The following ZFP64 variants were observed in gnomAD, a reference collection of about 807,000 sequenced individuals.
The protein encoded by ZFP64 is zinc finger protein 64.
Under a neutral mutation model 51.6 loss-of-function variants are expected in ZFP64, and 14 were observed. The ratio of observed to expected loss-of-function variants is 0.27; its 90% confidence interval spans 0.18 to 0.42. ZFP64 has a LOEUF of 0.42. Ranked by LOEUF, ZFP64 falls within the 10% of genes least tolerant of loss-of-function variation. The pLI is 1.00. For missense variants in ZFP64, 754 were observed against 906.8 expected, an observed-to-expected ratio of 0.83 and a Z score of 2.16; for synonymous variants, 375 against 361.4, an observed-to-expected ratio of 1.04 and a Z score of -0.43.
chr20:52,104,932 A>AT (rs749075419), intron 5 of ZFP64: 12 of 679,986 alleles, frequency 1.8e-5, no homozygotes, highest in South Asian at 5.3e-5. Context: ...CCAGGCGGGG[A>AT]AGGGGACGGT....
intron 5 of ZFP64, among the ~76,000 whole-genome samples, chr20:52,118,605 C>T (rs1227992831): frequency 6.6e-6 from 1 of 152,218 alleles, no homozygotes; most frequent in Non-Finnish European, 1.5e-5. Context: ...TGTCCTGAAG[C>T]TATTCATTTG....
intron 5 of ZFP64, among the ~76,000 whole-genome samples, chr20:52,129,967 T>A (rs1457442301): frequency 6.6e-6 from 1 of 151,056 alleles, no homozygotes; most frequent in Non-Finnish European, 1.5e-5. Flanking sequence ...CCTCTTTCCC[T>A]TGCTCACTCT....
At position 52,161,450 on chromosome 20, in the gene ZFP64, C is replaced by CTTTTTTTT. The variant is rs11469696; in HGVS notation, c.512-1084_512-1077dup. Among the ~76,000 whole-genome samples, 323 of 115,112 alleles carry CTTTTTTTT rather than the reference C, an allele frequency of 2.8e-3. 9 individuals carry two copies. Among genetic ancestry groups the CTTTTTTTT allele is most frequent in the African/African-American group, 0.01 (307 of 30,032 alleles). 75.5% of individuals were successfully genotyped at this position (115,112 alleles called of 152,430 possible). A position where few individuals can be genotyped will look rare whatever the true frequency, so the allele number is the denominator to read the frequency against. ...CCCAGGACCGTCTTGTGATTGCTTT[C>CTTTTTTTT]TTTTTTTTTTTTTTTTTTTTTGCCA... is the stretch of plus-strand genomic sequence containing the variant. On this transcript the variant is annotated intron_variant, in intron 4 of 5. Coordinates refer to ENST00000216923, the MANE Select transcript of ZFP64 (RefSeq NM_018197.3).
chr20:52,188,528 T>G (rs946178969), intron 1 of ZFP64, among the ~76,000 whole-genome samples: 2 of 150,788 alleles, frequency 1.3e-5, no homozygotes, highest in Non-Finnish European at 3.0e-5. Flanking sequence ...TTAGCCAGGA[T>G]GGTCTCGATC....
At position 52,088,849 on chromosome 20, in the gene ZFP64, T is replaced by C. The variant is rs147019447; in HGVS notation, c.977-206A>G. ...TAGTTCAGAAATCCTAAGGGAAAGA[T>C]GACATAAAAATCTGATTGATGGAGA... On this transcript the variant is annotated intron_variant, in intron 7 of 8. Coordinates refer to the ZFP64 transcript ENST00000361387. The C allele has an allele frequency of 1.4e-3, 1,057 of 741,938 alleles. 10 individuals are homozygous for C. In the African/African-American group the frequency reaches 0.017, roughly 12 times the overall value. The allele number at this position is 741,938 out of a possible 1,614,324, so 46.0% of individuals were successfully genotyped here. A position where few individuals can be genotyped will look rare whatever the true frequency, so the allele number is the denominator to read the frequency against.
intron 5 of ZFP64, chr20:52,104,511 G>A (rs771743776): frequency 2.5e-5 from 9 of 359,770 alleles, no homozygotes; most frequent in Admixed American, 1.1e-4. Context: ...CTCTTACCAA[G>A]GCTCACGGCC....
At chr20:52,183,527 C>T (rs1233877476) in intron 2 of ZFP64, among the ~76,000 whole-genome samples, 2 of 152,270 alleles carry the variant, frequency 1.3e-5, no homozygotes, top group South Asian at 2.1e-4. Flanking sequence ...ATGTCCCTTC[C>T]CCAAAGGCAA....
At chr20:52,118,868 T>G (rs1257775533) in intron 5 of ZFP64, among the ~76,000 whole-genome samples, 1 of 152,144 alleles carries the variant, frequency 6.6e-6, no homozygotes, top group African/African-American at 2.4e-5. Flanking sequence ...GTAGGTTGGG[T>G]GCAGTGGCTC....
At position 52,152,589 on chromosome 20, in the gene ZFP64, G is replaced by A. The variant is rs1234562686; in HGVS notation, c.1603C>T (p.Pro535Ser). 4 of 1,551,550 alleles carry A rather than the reference G, an allele frequency of 2.6e-6. No homozygotes were observed. Among genetic ancestry groups the A allele is most frequent in the Admixed American group, 1.8e-5 (1 of 54,232 alleles). Residue 535 changes from proline (P) to serine (S), a missense_variant, in exon 6 of 6, where the codon CCA becomes TCA. Pro to Ser is a moderately conservative substitution (Grantham distance 74, BLOSUM62 -1). Coordinates refer to ENST00000216923, the MANE Select transcript of ZFP64 (RefSeq NM_018197.3). ...AGGATCTGCAGCCGGCTGTTCCCTGGGAGTTCCTCTGGGTTCTGGGCCACC... is the reference window on the plus strand; with the variant it reads ...AGGATCTGCAGCCGGCTGTTCCCTGAGAGTTCCTCTGGGTTCTGGGCCACC... Reference protein sequence around the residue: ...ALVAQNPEELPGNSRLQILRQ... With the variant: ...ALVAQNPEELSGNSRLQILRQ...
intron 5 of ZFP64, among the ~76,000 whole-genome samples, chr20:52,112,096 A>AC (rs1395696758): frequency 3.8e-5 from 5 of 132,604 alleles, no homozygotes; most frequent in East Asian, 2.0e-4. Flanking sequence ...AAAAAAAAAA[A>AC]AAAACAAAAA....
rs1476535885 is a variant in ZFP64, at chr20:52,151,596, T to A, written c.*550A>T. 1 of 986,280 alleles carries A rather than the reference T, an allele frequency of 1.0e-6. No individual in the cohort carries two copies. Among genetic ancestry groups the A allele is most frequent in the African/African-American group, 1.7e-5 (1 of 57,228 alleles). The allele number at this position is 986,280 out of a possible 1,614,324, so 61.1% of individuals were successfully genotyped here. ...AATGCATTTAATTCCAACCCCTCAT[T>A]GGAATCATCTTGGTAACATTTAAGA... is the stretch of plus-strand genomic sequence containing the variant. On this transcript the variant is annotated 3_prime_UTR_variant, in exon 6 of 6. Coordinates refer to ENST00000216923, the MANE Select transcript of ZFP64 (RefSeq NM_018197.3).
chr20:52,129,584 G>A lies in ZFP64; in HGVS notation c.763+30539C>T, dbSNP rs996919886. Reference sequence around the variant, plus strand: ...GAATGCTCATTTCCCTCACTCCTCCGTTCTTTGTCTTCAATTGTGTAACTC... The same window carrying A: ...GAATGCTCATTTCCCTCACTCCTCCATTCTTTGTCTTCAATTGTGTAACTC... On this transcript the variant is annotated intron_variant, in intron 5 of 8. Coordinates refer to the ZFP64 transcript ENST00000361387. Among the ~76,000 whole-genome samples, 8 of 151,944 alleles carry A rather than the reference G, an allele frequency of 5.3e-5. No homozygotes were observed. The South Asian group carries it at 6.2e-4, about 12-fold the overall frequency.
chr20:52,124,415 T>C (rs1321644154), intron 5 of ZFP64, among the ~76,000 whole-genome samples: 1 of 152,138 alleles, frequency 6.6e-6, no homozygotes, highest in African/African-American at 2.4e-5. Flanking sequence ...TTGAAATCTT[T>C]GAATTTTTTT....
At chr20:52,124,568 A>G (rs1029364610) in intron 5 of ZFP64, among the ~76,000 whole-genome samples, 1 of 151,954 alleles carries the variant, frequency 6.6e-6, no homozygotes, top group African/African-American at 2.4e-5. Flanking sequence ...TATGTTTGAC[A>G]CTTTTTACAA....
intron 2 of ZFP64, among the ~76,000 whole-genome samples, chr20:52,173,959 T>C (rs989216668): frequency 6.6e-6 from 1 of 152,158 alleles, no homozygotes; most frequent in African/African-American, 2.4e-5. Context: ...CCTACATCCT[T>C]ACTTTTTATA....
At chr20:52,111,107 C>T (rs918338789) in intron 5 of ZFP64, 13 of 875,554 alleles carry the variant, frequency 1.5e-5, no homozygotes, top group Non-Finnish European at 2.3e-5. Flanking sequence ...GAGAGAGACG[C>T]GGAGCGGGGC....
At chr20:52,157,351 T>A (rs1269314113) in intron 5 of ZFP64, among the ~76,000 whole-genome samples, 1 of 152,090 alleles carries the variant, frequency 6.6e-6, no homozygotes, top group Non-Finnish European at 1.5e-5. Flanking sequence ...ACTCACACAG[T>A]TTTTAAAGAC....
At chr20:52,084,434 A>C in exon 9 of ZFP64, 1 of 952,542 alleles carries the variant, frequency 1.0e-6, no homozygotes. Context: ...AAGGCCTGTG[A>C]AGTTGGAGCG....
intron 2 of ZFP64, among the ~76,000 whole-genome samples, chr20:52,182,965 G>A (rs1983715171): frequency 6.6e-6 from 1 of 152,144 alleles, no homozygotes; most frequent in Admixed American, 6.5e-5. Flanking sequence ...CCTGATCTGG[G>A]AAAAGAGTGA....
Sources: allele counts gnomAD v4.1 joint callset (sites outside exome capture counted in the v4.1 genomes callset), GRCh38; gene constraint gnomAD v4.1.1; transcripts MANE v1.5; gene names NCBI Gene and HGNC (gene_info 2026-07-23, HGNC 2026-07-21).